The following CAST variants were observed in gnomAD, a reference collection of about 807,000 sequenced individuals.
CAST encodes the protein MIR583 host.
CAST carries 76 observed loss-of-function variants against 119.6 expected under a neutral mutation model. That is an observed-to-expected ratio of 0.64 (90% CI 0.53 to 0.77). The LOEUF is 0.77. CAST is among the 30% of genes least tolerant of loss of function. The pLI is 0.00. For synonymous variants in CAST, 319 were observed against 331.6 expected (o/e 0.96, Z 0.41); for missense variants, 953 against 946.5 (o/e 1.01, Z -0.09).
At chr5:96,714,392 A>G (rs115910131) in intron 3 of CAST, among the ~76,000 whole-genome samples, 1,645 of 152,320 alleles carry the variant, frequency 0.011, 18 homozygotes, top group Non-Finnish European at 0.017. Context: ...CTGCAGAACT[A>G]CAGGATTCTC....
chr5:96,729,287 A>G (rs1209968384), intron 7 of CAST, 78 bp downstream of exon 7: 1 of 823,458 alleles, frequency 1.2e-6, no homozygotes. Context: ...CATTAATTCA[A>G]AACTAATCCC....
chr5:96,038,902 G>T, the CAST span, among the ~76,000 whole-genome samples: 1 of 152,122 alleles, frequency 6.6e-6, no homozygotes, highest in African/African-American at 2.4e-5. Context: ...TGAGATTGCT[G>T]GGTCAAATGG....
chr5:96,466,178 G>A, the CAST span, among the ~76,000 whole-genome samples: 1 of 152,144 alleles, frequency 6.6e-6, no homozygotes, highest in Non-Finnish European at 1.5e-5. Flanking sequence ...AGTTAATTTT[G>A]TCCTTAGCCT....
chr5:96,352,111 T>C, the CAST span, among the ~76,000 whole-genome samples: 1 of 152,180 alleles, frequency 6.6e-6, no homozygotes, highest in Non-Finnish European at 1.5e-5. Flanking sequence ...AAAGACTGGC[T>C]GGAACTCAAG....
the CAST span, chr5:96,393,366 G>A: frequency 6.2e-7 from 1 of 1,613,834 alleles, no homozygotes; most frequent in Non-Finnish European, 8.5e-7. Context: ...GGGTTCTCTT[G>A]TGTGGGCTGC....
chr5:95,998,088 A>G, the CAST span, among the ~76,000 whole-genome samples: 1 of 150,900 alleles, frequency 6.6e-6, no homozygotes, highest in Non-Finnish European at 1.5e-5. Flanking sequence ...GATCTTCTCA[A>G]GGGTTATATA....
At chr5:96,166,906 G>A in the CAST span, among the ~76,000 whole-genome samples, 1 of 152,126 alleles carries the variant, frequency 6.6e-6, no homozygotes, top group Non-Finnish European at 1.5e-5. Flanking sequence ...GGAGAGATAA[G>A]GGGCGATGCT....
At position 96,611,521 on chromosome 5, in the gene CAST, CA is replaced by C. The variant is rs575595763; in HGVS notation, c.61-64012del. Reference sequence around the variant, plus strand: ...TATTAAAATACTACAAGAAAGCCTACAAAAAATGTCTTCTGGATATGGGCCT... The same window carrying C: ...TATTAAAATACTACAAGAAAGCCTACAAAAATGTCTTCTGGATATGGGCCT... On this transcript the variant is annotated intron_variant, in intron 1 of 11. Coordinates refer to the CAST transcript ENST00000505143. Among the ~76,000 whole-genome samples the C allele has an allele frequency of 7.3e-4, 111 of 151,838 alleles. 1 individual carries two copies. The South Asian group carries it at 0.017, about 23-fold the overall frequency.
At chr5:96,486,947 T>C in the CAST span, among the ~76,000 whole-genome samples, 2 of 151,454 alleles carry the variant, frequency 1.3e-5, no homozygotes, top group South Asian at 4.1e-4. Context: ...AAATTGTGCA[T>C]GCTATGTAAA....
At chr5:96,288,720 G>A in the CAST span, among the ~76,000 whole-genome samples, 3 of 152,224 alleles carry the variant, frequency 2.0e-5, no homozygotes, top group South Asian at 2.1e-4. Flanking sequence ...AAAATTTTTT[G>A]GCTAATCCCA....
chr5:96,192,284 T>C, the CAST span, among the ~76,000 whole-genome samples: 29 of 152,212 alleles, frequency 1.9e-4, no homozygotes, highest in Admixed American at 2.6e-4. Context: ...AAGAAAACAT[T>C]GCACTTCTGC....
In CAST at chr5:96,761,985, A is replaced by G. The variant is rs537302774; in HGVS notation, c.1834-289A>G. The G allele has an allele frequency of 3.5e-5, 8 of 227,156 alleles. No individual in the cohort carries two copies. The South Asian group carries it at 1.2e-3, about 35-fold the overall frequency. The allele number at this position is 227,156 out of a possible 1,614,324, so 14.1% of individuals were successfully genotyped here. A position where few individuals can be genotyped will look rare whatever the true frequency, so the allele number is the denominator to read the frequency against. On this transcript the variant is annotated intron_variant, in intron 24 of 31. Transcript: ENST00000675179. Reference sequence around the variant, plus strand: ...AGAGCTGAAAACTTTGAATAACCTAAATGTACAACAGGAAATGTGTAAACA... The same window carrying G: ...AGAGCTGAAAACTTTGAATAACCTAGATGTACAACAGGAAATGTGTAAACA...
chr5:96,238,554 A>ATTTTTTTTTTT, the CAST span, among the ~76,000 whole-genome samples: 1 of 136,246 alleles, frequency 7.3e-6, no homozygotes. Context: ...CACCTGGCTA[A>ATTTTTTTTTTT]TTTTTTTTTT....
At chr5:95,963,647 C>A in the CAST span, among the ~76,000 whole-genome samples, 1 of 151,774 alleles carries the variant, frequency 6.6e-6, no homozygotes. Context: ...AAAGTAGAAA[C>A]CTTATTCAAA....
At chr5:96,358,437 A>G in the CAST span, among the ~76,000 whole-genome samples, 1 of 152,020 alleles carries the variant, frequency 6.6e-6, no homozygotes, top group Non-Finnish European at 1.5e-5. Context: ...TGTTGATTTT[A>G]GATCTTTCTT....
At chr5:96,020,086 A>G in the CAST span, among the ~76,000 whole-genome samples, 2 of 152,204 alleles carry the variant, frequency 1.3e-5, no homozygotes, top group Non-Finnish European at 2.9e-5. Flanking sequence ...TCATTTACAT[A>G]TAAAGAAACT....
chr5:96,279,658 A>T, the CAST span, among the ~76,000 whole-genome samples: 2 of 152,234 alleles, frequency 1.3e-5, no homozygotes, highest in Non-Finnish European at 2.9e-5. Flanking sequence ...AGCACCATGT[A>T]TCAATGTTCT....
chr5:96,556,489 A>T (rs1212222455), intron 1 of CAST, among the ~76,000 whole-genome samples: 1 of 152,232 alleles, frequency 6.6e-6, no homozygotes, highest in Non-Finnish European at 1.5e-5. Flanking sequence ...GCTAACTAGA[A>T]TAACCAATGC....
the CAST span, among the ~76,000 whole-genome samples, chr5:96,242,061 T>G: frequency 3.7e-4 from 54 of 146,818 alleles, 1 homozygote; most frequent in Non-Finnish European, 7.0e-4. Flanking sequence ...AGAAGCTCTT[T>G]AGTTTAATTA....
Sources: allele counts gnomAD v4.1 joint callset (sites outside exome capture counted in the v4.1 genomes callset), GRCh38; gene constraint gnomAD v4.1.1; transcripts MANE v1.5; gene names NCBI Gene and HGNC (gene_info 2026-07-23, HGNC 2026-07-21).